Variants in TLN2 observed in about 807,000 individuals in gnomAD.
TLN2 encodes the protein talin-2.
In TLN2, 118 loss-of-function variants were observed where a neutral mutation model predicts 294.7. The ratio of observed to expected loss-of-function variants is 0.40; its 90% CI spans 0.34 to 0.47. TLN2 has a LOEUF of 0.47. Ranked by LOEUF, TLN2 falls within the 20% of genes least tolerant of loss-of-function variation. TLN2 has a pLI of 0.84. For missense variants in TLN2, 3,083 were observed against 3,282.2 expected, an observed-to-expected ratio of 0.94 and a Z score of 1.48; for synonymous variants, 1,431 against 1,304.5, an observed-to-expected ratio of 1.10 and a Z score of -2.09.
At chr15:62,682,733 C>T (rs2056946177) in intron 11 of TLN2, among the ~76,000 whole-genome samples, 1 of 152,054 alleles carries the variant, frequency 6.6e-6, no homozygotes, top group South Asian at 2.1e-4. Flanking sequence ...TCTGCTACAC[C>T]AAAACCCCAC....
chr15:62,710,877 C>G (rs150950683), intron 21 of TLN2, among the ~76,000 whole-genome samples: 3,699 of 152,028 alleles, frequency 0.024, 74 homozygotes, highest in Middle Eastern at 0.058. Context: ...AGGCGCCCAC[C>G]ACCACGCCCG....
chr15:62,470,319 C>G (rs958130066), intron 1 of TLN2, among the ~76,000 whole-genome samples: 4 of 152,216 alleles, frequency 2.6e-5, no homozygotes, highest in African/African-American at 9.6e-5. Flanking sequence ...GCTCCTCAGC[C>G]AAGGAGGGGC....
At chr15:62,725,740 G>A (rs934685437) in intron 27 of TLN2, among the ~76,000 whole-genome samples, 7 of 152,212 alleles carry the variant, frequency 4.6e-5, no homozygotes, top group Non-Finnish European at 7.3e-5. Flanking sequence ...CCCGTTTACA[G>A]ATGAGAAACA....
intron 54 of TLN2, chr15:62,827,739 A>G (rs2068354124): frequency 6.6e-6 from 1 of 152,220 alleles, no homozygotes; most frequent in South Asian, 2.1e-4. Flanking sequence ...AAACAGATTA[A>G]TTTAGCCCCA....
intron 1 of TLN2, among the ~76,000 whole-genome samples, chr15:62,443,650 T>G (rs1301440551): frequency 6.6e-6 from 1 of 152,194 alleles, no homozygotes; most frequent in Non-Finnish European, 1.5e-5. Flanking sequence ...TCCCTCATTT[T>G]CCCTGATTTC....
intron 1 of TLN2, among the ~76,000 whole-genome samples, chr15:62,537,264 C>T (rs2041413433): frequency 6.6e-6 from 1 of 152,206 alleles, no homozygotes; most frequent in South Asian, 2.1e-4. Context: ...ATCCGCCCAC[C>T]TCTGCCTCCC....
chr15:62,606,104 C>T lies in TLN2; in HGVS notation c.-161-12247C>T, dbSNP rs573852113. ...AAGATTTTTTTTTTGTTTTTTGAGA[C>T]GGAGTCTCACTCTGTCGCCCAGGCT... On this transcript the variant is annotated intron_variant, in intron 2 of 58. Transcript: ENST00000636159. Among the ~76,000 whole-genome samples the T allele has an allele frequency of 6.6e-5, 10 of 152,082 alleles. No individual in the cohort carries two copies. The East Asian group carries it at 9.7e-4, about 15-fold the overall frequency.
chr15:62,516,637 C>T (rs895079280), intron 1 of TLN2, among the ~76,000 whole-genome samples: 2 of 152,210 alleles, frequency 1.3e-5, no homozygotes, highest in South Asian at 2.1e-4. Context: ...CTTTTCTTCC[C>T]ATGGCTGAAG....
At chr15:62,506,587 C>G (rs942751452) in intron 1 of TLN2, among the ~76,000 whole-genome samples, 2 of 152,214 alleles carry the variant, frequency 1.3e-5, no homozygotes, top group African/African-American at 4.8e-5. Context: ...CATGAAAGCT[C>G]TCCCATGGAG....
At chr15:62,434,549 G>A (rs149284667) in intron 1 of TLN2, among the ~76,000 whole-genome samples, 32 of 152,282 alleles carry the variant, frequency 2.1e-4, no homozygotes, top group Middle Eastern at 3.4e-3. Flanking sequence ...AAACAGTTAA[G>A]TCAGAAAGTA....
chr15:62,403,597 G>C (rs1289504962), intron 1 of TLN2, among the ~76,000 whole-genome samples: 1 of 152,158 alleles, frequency 6.6e-6, no homozygotes, highest in East Asian at 1.9e-4. Flanking sequence ...TAACTCTTTA[G>C]TTGTCATCTT....
chr15:62,609,782 T>C (rs2047761588), intron 2 of TLN2, among the ~76,000 whole-genome samples: 1 of 152,226 alleles, frequency 6.6e-6, no homozygotes, highest in African/African-American at 2.4e-5. Flanking sequence ...ATTCTCTTTG[T>C]GGAGGGTCCT....
chr15:62,576,651 T>C (rs1459702440), intron 1 of TLN2, among the ~76,000 whole-genome samples: 2 of 133,944 alleles, frequency 1.5e-5, no homozygotes, highest in Admixed American at 1.7e-4. Flanking sequence ...AAAAAGATAA[T>C]GGAATGATTC....
rs142174915 is a variant in TLN2 at position 62,840,867 on chromosome 15, G to T, written c.*257G>T. On this transcript the variant is annotated 3_prime_UTR_variant, in exon 59 of 59. Transcript: ENST00000636159. Reference sequence around the variant, plus strand: ...TCACCGTGTCTCAGGAGAGAGGGGTGCACGTTTCATGGACTGTTACCAACA... The same window carrying T: ...TCACCGTGTCTCAGGAGAGAGGGGTTCACGTTTCATGGACTGTTACCAACA... 2,737 of 439,584 alleles carry T rather than the reference G, an allele frequency of 6.2e-3. 19 individuals carry two copies. The highest frequency in any genetic ancestry group is 6.5e-3 in the South Asian group (149 of 22,842). The allele number at this position is 439,584 out of a possible 1,614,324, so 27.2% of individuals were successfully genotyped here.
chr15:62,739,150 T>C (rs2061183356), intron 30 of TLN2, among the ~76,000 whole-genome samples, 198 bp from the exon 31 acceptor site: 1 of 152,318 alleles, frequency 6.6e-6, no homozygotes, highest in Non-Finnish European at 1.5e-5. Context: ...AGGTGTTTGA[T>C]ACATTTAAAT....
Position 62,523,880 on chromosome 15 carries a change from A to G in TLN2, c.-237-65807A>G, listed in dbSNP as rs531335463. On this transcript the variant is annotated intron_variant, in intron 1 of 58. Coordinates refer to ENST00000636159, the MANE Select transcript of TLN2 (RefSeq NM_015059.3). ...AATTGCACAGTGCTGTATGAATGCG[A>G]GATATGCTTTATTCCTTTCCTGTAT... Among the ~76,000 whole-genome samples, 183 of 152,384 alleles carry G rather than the reference A, an allele frequency of 1.2e-3. 3 individuals carry two copies. The Middle Eastern group carries it at 0.02, about 17-fold the overall frequency.
At chr15:62,686,362 T>C (rs1248034164) in intron 11 of TLN2, among the ~76,000 whole-genome samples, 1 of 152,186 alleles carries the variant, frequency 6.6e-6, no homozygotes, top group Non-Finnish European at 1.5e-5. Context: ...TTCAGTTCTA[T>C]CCCATCTTTC....
intron 1 of TLN2, among the ~76,000 whole-genome samples, chr15:62,498,851 G>A (rs953477484): frequency 6.6e-6 from 1 of 152,120 alleles, no homozygotes; most frequent in Non-Finnish European, 1.5e-5. Context: ...AAGGAATTTG[G>A]CGAAACTATT....
intron 1 of TLN2, among the ~76,000 whole-genome samples, chr15:62,427,899 G>A (rs934515216): frequency 3.3e-5 from 5 of 152,188 alleles, no homozygotes. Flanking sequence ...CCTAGGGCTA[G>A]GCAGTGTCAG....
Sources: allele counts gnomAD v4.1 joint callset (sites outside exome capture counted in the v4.1 genomes callset), GRCh38; gene constraint gnomAD v4.1.1; transcripts MANE v1.5; gene names NCBI Gene and HGNC (gene_info 2026-07-23, HGNC 2026-07-21).